The following PGCKA1 variants were observed in gnomAD, a reference collection of about 807,000 sequenced individuals.
The protein encoded by PGCKA1 is PDCD10 and GCKIII kinases-associated protein 1.
chr4:37,584,878 T>A, the PGCKA1 span, among the ~76,000 whole-genome samples: 2 of 151,996 alleles, frequency 1.3e-5, no homozygotes, highest in Non-Finnish European at 2.9e-5. Context: ...GAATTCACCA[T>A]CATAAAGTTG....
chr4:37,456,107 G>C, the PGCKA1 span, among the ~76,000 whole-genome samples: 1 of 152,154 alleles, frequency 6.6e-6, no homozygotes, highest in Non-Finnish European at 1.5e-5. Flanking sequence ...TAGATTACAT[G>C]CTTACAGAGA....
chr4:37,530,690 T>G, the PGCKA1 span, among the ~76,000 whole-genome samples: 1 of 151,686 alleles, frequency 6.6e-6, no homozygotes, highest in Non-Finnish European at 1.5e-5. Flanking sequence ...GAAAATTATT[T>G]CTCAGGTCAG....
the PGCKA1 span, among the ~76,000 whole-genome samples, chr4:37,575,029 T>C: frequency 1.3e-5 from 2 of 152,142 alleles, no homozygotes; most frequent in Non-Finnish European, 2.9e-5. Flanking sequence ...CTTCCAAATC[T>C]TGGCTATTGT....
chr4:37,545,842 A>G, the PGCKA1 span, among the ~76,000 whole-genome samples: 1 of 152,248 alleles, frequency 6.6e-6, no homozygotes, highest in African/African-American at 2.4e-5. Context: ...TCCAAAAATA[A>G]TAATTCTAAT....
At chr4:37,527,358 G>A in the PGCKA1 span, among the ~76,000 whole-genome samples, 3 of 152,154 alleles carry the variant, frequency 2.0e-5, no homozygotes, top group African/African-American at 4.8e-5. Flanking sequence ...GTAGTGTCCA[G>A]TAATAGCCTA....
the PGCKA1 span, among the ~76,000 whole-genome samples, chr4:37,563,199 T>C: frequency 6.6e-6 from 1 of 152,180 alleles, no homozygotes; most frequent in African/African-American, 2.4e-5. Flanking sequence ...CCTATATCAC[T>C]CTGCTAAGGC....
At chr4:37,554,452 A>C in the PGCKA1 span, among the ~76,000 whole-genome samples, 1 of 152,140 alleles carries the variant, frequency 6.6e-6, no homozygotes, top group Non-Finnish European at 1.5e-5. Flanking sequence ...AGGTTCAAGC[A>C]ATTCTGCTCC....
the PGCKA1 span, among the ~76,000 whole-genome samples, chr4:37,550,118 A>T: frequency 1.3e-5 from 2 of 152,182 alleles, no homozygotes; most frequent in African/African-American, 2.4e-5. Flanking sequence ...AGTACCAAGT[A>T]TGTAATCCAG....
the PGCKA1 span, among the ~76,000 whole-genome samples, chr4:37,473,995 A>C: frequency 6.6e-6 from 1 of 152,176 alleles, no homozygotes; most frequent in Non-Finnish European, 1.5e-5. Flanking sequence ...CTATTGTCTC[A>C]GCTGATGACA....
chr4:37,579,872 A>G, the PGCKA1 span, among the ~76,000 whole-genome samples: 4 of 151,822 alleles, frequency 2.6e-5, no homozygotes, highest in African/African-American at 4.8e-5. Context: ...TTCTACCCCT[A>G]TTTTTCTACT....
At chr4:37,516,931 A>T in the PGCKA1 span, among the ~76,000 whole-genome samples, 9 of 152,152 alleles carry the variant, frequency 5.9e-5, no homozygotes, top group African/African-American at 2.2e-4. Flanking sequence ...AAATGATGCA[A>T]GGTTTCTAAA....
At chr4:37,571,995 C>T in the PGCKA1 span, among the ~76,000 whole-genome samples, 1 of 150,636 alleles carries the variant, frequency 6.6e-6, no homozygotes, top group Non-Finnish European at 1.5e-5. Context: ...CAGGTTGTGA[C>T]AGGCAGAGTA....
the PGCKA1 span, among the ~76,000 whole-genome samples, chr4:37,583,441 G>GTT: frequency 0.012 from 1,701 of 146,236 alleles, 23 homozygotes; most frequent in Non-Finnish European, 0.019. Flanking sequence ...TTTTGTTTTT[G>GTT]TTTTTTTTTT....
the PGCKA1 span, among the ~76,000 whole-genome samples, chr4:37,503,078 C>A: frequency 6.6e-6 from 1 of 152,188 alleles, no homozygotes; most frequent in African/African-American, 2.4e-5. Context: ...ACACTCTGGG[C>A]TCTGCATAGC....
At chr4:37,583,603 A>AT in the PGCKA1 span, among the ~76,000 whole-genome samples, 2,026 of 151,398 alleles carry the variant, frequency 0.013, 11 homozygotes, top group African/African-American at 0.023. Flanking sequence ...CGCCCAGCTA[A>AT]TTTTTTTTTA....
chr4:37,460,492 A>G, the PGCKA1 span: 3 of 442,434 alleles, frequency 6.8e-6, no homozygotes, highest in Admixed American at 7.4e-5. Context: ...CAGCCTTGCC[A>G]GCATCTACTG....
At chr4:37,492,581 G>A in the PGCKA1 span, among the ~76,000 whole-genome samples, 17,908 of 152,142 alleles carry the variant, frequency 0.12, 1,196 homozygotes, top group East Asian at 0.32. This position sits in a 1 kb window ranked among gnomAD's most constrained non-coding sequence, Gnocchi z 4.7. Flanking sequence ...AAGGAGACTT[G>A]GGTAATCTCC....
At chr4:37,579,007 G>A in the PGCKA1 span, among the ~76,000 whole-genome samples, 5 of 152,236 alleles carry the variant, frequency 3.3e-5, no homozygotes, top group South Asian at 2.1e-4. Flanking sequence ...GCAGTGAGCC[G>A]AGATTGCGCC....
the PGCKA1 span, among the ~76,000 whole-genome samples, chr4:37,585,983 G>A: frequency 1.3e-5 from 2 of 151,266 alleles, no homozygotes; most frequent in African/African-American, 4.9e-5. Context: ...TGTATGCATA[G>A]GTTCTGGCAA....
Sources: allele counts gnomAD v4.1 joint callset (sites outside exome capture counted in the v4.1 genomes callset), GRCh38; gene constraint gnomAD v4.1.1; non-coding constraint Gnocchi (gnomAD v3.1); transcripts MANE v1.5; gene names NCBI Gene and HGNC (gene_info 2026-07-23, HGNC 2026-07-21).